CALCOCO1: variants seen among roughly 807,000 people sequenced by gnomAD.
The protein encoded by CALCOCO1 is calcium-binding and coiled-coil domain-containing protein 1.
A neutral mutation model predicts 86.3 loss-of-function variants in CALCOCO1; 44 were observed. The observed-to-expected ratio is 0.51, with a 90% CI of 0.40 to 0.66. The LOEUF (loss-of-function observed/expected upper bound fraction) is 0.66. Ranked by LOEUF, CALCOCO1 falls within the 30% of genes least tolerant of loss-of-function variation. CALCOCO1 has a pLI of 0.00. For missense variants in CALCOCO1, 708 were observed against 851.1 expected (o/e 0.83, Z 2.09); for synonymous variants, 297 against 327.6 (o/e 0.91, Z 1.01).
rs1945568921 is a variant in CALCOCO1 at position 53,711,991 on chromosome 12, CCA to C, written c.2027_2028del (p.Met676ArgfsTer15). The C allele has an allele frequency of 6.2e-7, 1 of 1,604,356 alleles. No homozygotes were observed. Among genetic ancestry groups the C allele is most frequent in the Admixed American group, 1.7e-5 (1 of 58,402 alleles). On this transcript the variant is annotated frameshift_variant, in exon 15 of 15. Transcript: ENST00000550804. LOFTEE classifies it high-confidence loss of function. ...ESDKDALEDH[M>X]DGHFFFSTQD... ...TGGGTGCTGAAAAAGAAGTGTCCAT[CCA>C]TGTGGTCCTCCAGGGCATCCTTGTC...
Position 53,711,032 on chromosome 12 carries a change from C to T in CALCOCO1, c.*912G>A, listed in dbSNP as rs1945537146. On this transcript the variant is annotated 3_prime_UTR_variant, in exon 15 of 15. Coordinates refer to ENST00000550804, the MANE Select transcript of CALCOCO1 (RefSeq NM_020898.3). ...GGATGCGTCCCCTCTTTCCCTCCTC[C>T]CTCCACCAGGGTCTAAGAGCTGGAG... The T allele has an allele frequency of 2.7e-6, 1 of 372,860 alleles. No homozygotes were observed. The highest frequency in any genetic ancestry group is 1.5e-4 in the South Asian group (1 of 6,748). 23.1% of individuals were successfully genotyped at this position (372,860 alleles called of 1,614,324 possible).
In CALCOCO1 at chr12:53,721,450, C is replaced by T; in HGVS notation, c.758+17G>A. 1 of 1,584,396 alleles carries T rather than the reference C, an allele frequency of 6.3e-7. No individual in the cohort carries two copies. The highest frequency in any genetic ancestry group is 2.3e-5 in the East Asian group (1 of 43,916). The stretch of plus-strand genomic sequence containing the variant: ...TGGAAGGGAGAGGAAGTGACGGGGT[C>T]AGTGGACTCCCCTCACCTGTCCAGC... On this transcript the variant is annotated intron_variant, in intron 6 of 14. Coordinates refer to ENST00000550804, the MANE Select transcript of CALCOCO1 (RefSeq NM_020898.3).
chr12:53,720,055 T>C (rs548774110), intron 6 of CALCOCO1, among the ~76,000 whole-genome samples: 2 of 152,328 alleles, frequency 1.3e-5, no homozygotes, highest in East Asian at 3.9e-4. Flanking sequence ...TATCTTTTTG[T>C]GTAATATTTT....
chr12:53,712,670 T>G, intron 14 of CALCOCO1: 1 of 550,362 alleles, frequency 1.8e-6, no homozygotes, highest in Non-Finnish European at 2.7e-6. Context: ...AGGGAAAGCA[T>G]TTCAGTTGTA....
intron 14 of CALCOCO1, chr12:53,712,876 A>G (rs1288440728): frequency 2.7e-6 from 4 of 1,473,302 alleles, no homozygotes; most frequent in Non-Finnish European, 3.6e-6. Flanking sequence ...AGTTAAAGGC[A>G]GGACCTCTGA....
rs1181688403 is a variant in CALCOCO1, at chr12:53,716,271, G to A, written c.994C>T (p.Gln332Ter). ...AQMKDTLGQA[Q>*]QRVAELEPLK... ...GGGGCCTCACTCACCACCCGCTGCT[G>A]GGCCTGGCCTAGGGTGTCCTTCATC... The change falls in exon 8 of 15, where the codon CAG becomes TAG. Residue 332 changes from glutamine (Q) to a stop codon, truncating the protein, a stop_gained. Transcript: ENST00000550804. LOFTEE classifies it high-confidence loss of function. 6.2e-7 allele frequency: 1 copy of A among 1,613,792 alleles called. No homozygotes were observed. Among genetic ancestry groups the A allele is most frequent in the East Asian group, 2.2e-5 (1 of 44,900 alleles).
At chr12:53,721,988 C>T (rs1945882449) in intron 5 of CALCOCO1, 37 bp downstream of exon 5, 2 of 1,608,702 alleles carry the variant, frequency 1.2e-6, no homozygotes. Flanking sequence ...GCTGGGTGAG[C>T]AGCCAGGCCC....
chr12:53,716,512 T>A, intron 7 of CALCOCO1, 97 bp from the exon 8 acceptor site: 2 of 1,311,546 alleles, frequency 1.5e-6, no homozygotes, highest in Non-Finnish European at 2.1e-6. Flanking sequence ...GTTCCACTTC[T>A]CAGATTTAAC....
chr12:53,719,613 ATGT>A (rs1485450551), intron 7 of CALCOCO1, 123 bp downstream of exon 7: 1 of 672,068 alleles, frequency 1.5e-6, no homozygotes, highest in East Asian at 2.6e-5. Context: ...TATATGTCTT[ATGT>A]TCCCTAGTAG....
Position 53,715,232 on chromosome 12 carries a change from TCTTGAACA to T in CALCOCO1, c.1346_1353del (p.Val449AspfsTer2). On this transcript the variant is annotated frameshift_variant, in exon 10 of 15. Coordinates refer to ENST00000550804, the MANE Select transcript of CALCOCO1 (RefSeq NM_020898.3). LOFTEE classifies it high-confidence loss of function. ...GAATCCTTCTCCCGGGCCAGCTCAG[TCTTGAACA>T]CTTGGTTTTGGGTCCTCTCCTCCTG... 1 of 1,614,126 alleles carries T rather than the reference TCTTGAACA, an allele frequency of 6.2e-7. No individual in the cohort carries two copies. The highest frequency in any genetic ancestry group is 1.3e-5 in the African/African-American group (1 of 75,024).
At chr12:53,712,181 C>A (rs1310994587) in intron 14 of CALCOCO1, 60 bp from the exon 15 acceptor site, 8 of 1,466,766 alleles carry the variant, frequency 5.5e-6, no homozygotes, top group Non-Finnish European at 1.8e-6. Flanking sequence ...TCTTGACTTG[C>A]AGACTTCGGA....
Position 53,716,250 on chromosome 12 carries a change from C to A in CALCOCO1, c.1005+10G>T. The A allele has an allele frequency of 6.2e-7, 1 of 1,613,240 alleles. No homozygotes were observed. The highest frequency in any genetic ancestry group is 8.5e-7 in the Non-Finnish European group (1 of 1,179,686). On this transcript the variant is annotated intron_variant, in intron 8 of 14. Coordinates refer to ENST00000550804, the MANE Select transcript of CALCOCO1 (RefSeq NM_020898.3). Reference sequence around the variant, plus strand: ...TTTCCCGTTTCCTGTTGCCAAGGGGCCTCACTCACCACCCGCTGCTGGGCC... The same window carrying A: ...TTTCCCGTTTCCTGTTGCCAAGGGGACTCACTCACCACCCGCTGCTGGGCC...
In CALCOCO1 at chr12:53,709,870, C is replaced by T. The variant is rs1460003521; in HGVS notation, c.*2074G>A. 3 of 152,160 alleles carry T rather than the reference C, an allele frequency of 2.0e-5. No individual in the cohort carries two copies. Among genetic ancestry groups the T allele is most frequent in the Non-Finnish European group, 2.9e-5 (2 of 68,028 alleles). 9.4% of individuals were successfully genotyped at this position (152,160 alleles called of 1,614,324 possible). On this transcript the variant is annotated 3_prime_UTR_variant, in exon 15 of 15. Coordinates refer to ENST00000550804, the MANE Select transcript of CALCOCO1 (RefSeq NM_020898.3). Reference sequence around the variant, plus strand: ...GGAGGTGTGGGTCCCAGATTCTTCTCGCCCCAACCTCCCCCAGAAAATAAA... The same window carrying T: ...GGAGGTGTGGGTCCCAGATTCTTCTTGCCCCAACCTCCCCCAGAAAATAAA...
chr12:53,712,252 T>G, intron 14 of CALCOCO1, 131 bp from the exon 15 acceptor site: 1 of 714,976 alleles, frequency 1.4e-6, no homozygotes, highest in Admixed American at 3.1e-5. Context: ...CATCCTGGCC[T>G]CTCCCACAGC....
intron 9 of CALCOCO1, 148 bp downstream of exon 9, chr12:53,715,645 G>T: frequency 9.4e-7 from 1 of 1,059,452 alleles, no homozygotes; most frequent in South Asian, 1.6e-5. Flanking sequence ...AAAGTAAAGT[G>T]TACCTCCCTC....
chr12:53,724,536 T>C, intron 3 of CALCOCO1, 109 bp downstream of exon 3: 1 of 792,788 alleles, frequency 1.3e-6, no homozygotes, highest in South Asian at 1.5e-5. Context: ...TTTTCGTTTA[T>C]TTTTCCTTGT....
chr12:53,718,534 C>A (rs1472049600), intron 7 of CALCOCO1, among the ~76,000 whole-genome samples: 1 of 151,994 alleles, frequency 6.6e-6, no homozygotes, highest in Non-Finnish European at 1.5e-5. Flanking sequence ...CACACCCCAC[C>A]CCTTTTTTTT....
intron 6 of CALCOCO1, among the ~76,000 whole-genome samples, chr12:53,720,798 T>G (rs1945846798): frequency 2.0e-5 from 3 of 152,226 alleles, no homozygotes; most frequent in Non-Finnish European, 4.4e-5. Context: ...AGGTGGTGGT[T>G]AATATTTATG....
rs142911391 is a variant in CALCOCO1 at position 53,711,731 on chromosome 12, G to A, written c.*213C>T. 5.4e-4 allele frequency: 247 copies of A among 454,092 alleles called. 2 individuals are homozygous for A. In the East Asian group the frequency reaches 8.8e-3, roughly 16 times the overall value. 28.1% of individuals were successfully genotyped at this position (454,092 alleles called of 1,614,324 possible). ...GGGGATAAATTCAGCCACTGCTTCC[G>A]AACAGGACCCCTCCCTGGGACAAAA... On this transcript the variant is annotated 3_prime_UTR_variant, in exon 15 of 15. Coordinates refer to ENST00000550804, the MANE Select transcript of CALCOCO1 (RefSeq NM_020898.3).
Sources: allele counts gnomAD v4.1 joint callset (sites outside exome capture counted in the v4.1 genomes callset), GRCh38; gene constraint gnomAD v4.1.1; transcripts MANE v1.5; gene names NCBI Gene and HGNC (gene_info 2026-07-23, HGNC 2026-07-21).